Variants in PRORP observed in about 807,000 individuals in gnomAD.
The protein encoded by PRORP is protein only RNase P catalytic subunit.
Under a neutral mutation model 59.4 loss-of-function variants are expected in PRORP, and 51 were observed. The ratio of observed to expected loss-of-function variants is 0.86; its 90% CI spans 0.69 to 1.08. The LOEUF (loss-of-function observed/expected upper bound fraction) is 1.08. Among genes scored for constraint, PRORP ranks in the 50% least tolerant of loss-of-function variants. The pLI is 0.00. For synonymous variants in PRORP, 231 were observed against 245.6 expected (o/e 0.94, Z 0.55); for missense variants, 646 against 690.3 (o/e 0.94, Z 0.72).
intron 4 of PRORP, among the ~76,000 whole-genome samples, chr14:35,142,601 G>C (rs1029762990): frequency 7.6e-5 from 11 of 144,118 alleles, no homozygotes; most frequent in African/African-American, 2.5e-4. Flanking sequence ...TAGCACTTTG[G>C]GAGGCCGAGG....
intron 2 of PRORP, among the ~76,000 whole-genome samples, chr14:35,124,854 T>C (rs1215193854): frequency 6.6e-6 from 1 of 151,222 alleles, no homozygotes; most frequent in African/African-American, 2.4e-5. Context: ...CTTATATTTA[T>C]TCTGTCTACT....
chr14:35,198,955 T>C (rs2049074677), intron 5 of PRORP, among the ~76,000 whole-genome samples: 1 of 152,216 alleles, frequency 6.6e-6, no homozygotes, highest in Admixed American at 6.5e-5. Flanking sequence ...TCACCTGATG[T>C]CAGGAGTTTG....
chr14:35,189,768 T>C (rs528586314), intron 5 of PRORP, among the ~76,000 whole-genome samples: 1 of 152,306 alleles, frequency 6.6e-6, no homozygotes, highest in African/African-American at 2.4e-5. Flanking sequence ...ATTGTCAGAA[T>C]AGAAAATAGT....
intron 4 of PRORP, among the ~76,000 whole-genome samples, chr14:35,155,610 A>G (rs2138919122): frequency 1.3e-5 from 2 of 151,050 alleles, no homozygotes; most frequent in East Asian, 3.9e-4. Context: ...TGCTTTCAGG[A>G]TAGAAGTTAT....
intron 2 of PRORP, among the ~76,000 whole-genome samples, chr14:35,125,661 G>A (rs985657825): frequency 6.6e-6 from 1 of 152,168 alleles, no homozygotes; most frequent in Non-Finnish European, 1.5e-5. Flanking sequence ...TGAAGATCAA[G>A]GGAGGAGGAG....
intron 3 of PRORP, among the ~76,000 whole-genome samples, chr14:35,127,067 A>G (rs767762473): frequency 1.3e-5 from 2 of 152,194 alleles, no homozygotes; most frequent in Non-Finnish European, 2.9e-5. Context: ...ATTCACCAAT[A>G]TGATATTCCA....
At chr14:35,250,040 G>A (rs1307628408) in intron 5 of PRORP, among the ~76,000 whole-genome samples, 1 of 152,022 alleles carries the variant, frequency 6.6e-6, no homozygotes, top group Admixed American at 6.6e-5. Context: ...TTGAGGCCAG[G>A]AGTTCGAGAC....
chr14:35,196,588 A>G (rs1387055710), intron 5 of PRORP, among the ~76,000 whole-genome samples: 1 of 152,212 alleles, frequency 6.6e-6, no homozygotes, highest in Non-Finnish European at 1.5e-5. Context: ...CAAGGGTGAT[A>G]TAAGTGACTT....
At chr14:35,226,799 A>G (rs1056622304) in intron 5 of PRORP, among the ~76,000 whole-genome samples, 6 of 152,204 alleles carry the variant, frequency 3.9e-5, no homozygotes, top group South Asian at 2.1e-4. Flanking sequence ...CAGTGGTGCA[A>G]TCATGGCTCA....
At chr14:35,215,339 G>A (rs956095479) in intron 5 of PRORP, among the ~76,000 whole-genome samples, 2 of 152,030 alleles carry the variant, frequency 1.3e-5, no homozygotes, top group Admixed American at 1.3e-4. Flanking sequence ...TTAATTTTGT[G>A]TCTTCAGACT....
intron 5 of PRORP, among the ~76,000 whole-genome samples, chr14:35,207,781 T>C (rs1172731745): frequency 6.6e-6 from 1 of 152,218 alleles, no homozygotes; most frequent in Non-Finnish European, 1.5e-5. Flanking sequence ...ATTTCTCTTT[T>C]GATGAGTTTC....
At chr14:35,227,657 C>T (rs1026812472) in intron 5 of PRORP, among the ~76,000 whole-genome samples, 1 of 152,096 alleles carries the variant, frequency 6.6e-6, no homozygotes, top group Non-Finnish European at 1.5e-5. Context: ...TTACTTCTCC[C>T]AGGGACTCTC....
intron 5 of PRORP, among the ~76,000 whole-genome samples, chr14:35,193,467 T>G (rs957605350): frequency 5.3e-5 from 8 of 152,218 alleles, no homozygotes; most frequent in Non-Finnish European, 1.0e-4. Context: ...AAAGGTCATT[T>G]GGTAAAGTGT....
intron 5 of PRORP, among the ~76,000 whole-genome samples, chr14:35,205,378 T>C (rs540808005): frequency 6.6e-6 from 1 of 152,250 alleles, no homozygotes; most frequent in East Asian, 1.9e-4. Context: ...TTAGTAGAGA[T>C]GAGGTTTCAC....
At chr14:35,263,693 A>AAAT (rs1193998764) in intron 5 of PRORP, among the ~76,000 whole-genome samples, 2 of 152,062 alleles carry the variant, frequency 1.3e-5, no homozygotes, top group East Asian at 3.8e-4. Flanking sequence ...GTCTCAAAAA[A>AAAT]AATAATAATA....
chr14:35,266,819 T>G lies in PRORP; in HGVS notation c.1368T>G (p.Ser456Arg). The change falls in exon 6 of 8, where the codon AGT becomes AGG. Residue 456 changes from serine to arginine, a missense_variant. By Grantham distance (110) the Ser-to-Arg change is moderately radical. Transcript: ENST00000534898. ...TGCTAAGACGGAGTTCCCAGTGGAG[T>G]CGGGATGAGATGGAAGAGGTGCAAA... Reference protein sequence around the residue: ...KHMLRRSSQWSRDEMEEVQKQ... With the variant: ...KHMLRRSSQWRRDEMEEVQKQ... 1 of 1,612,988 alleles carries G rather than the reference T, an allele frequency of 6.2e-7. No homozygotes were observed.
rs558643422 is a variant in PRORP, at chr14:35,240,165, A to G, written c.1276-26562A>G. 2.4e-4 allele frequency among the ~76,000 whole-genome samples: 37 copies of G among 152,186 alleles called. 1 individual carries two copies. The South Asian group carries it at 5.8e-3, about 24-fold the overall frequency. On this transcript the variant is annotated intron_variant, in intron 5 of 7. Coordinates refer to ENST00000534898, the MANE Select transcript of PRORP (RefSeq NM_014672.4). The stretch of plus-strand genomic sequence containing the variant: ...TGATTGGAATTAGAGTTGGTGGTTC[A>G]TCAATCATTTCACTACCACCAAAGT...
intron 5 of PRORP, among the ~76,000 whole-genome samples, chr14:35,181,814 A>G (rs1423910920): frequency 2.0e-5 from 3 of 151,548 alleles, no homozygotes; most frequent in African/African-American, 2.4e-5. Flanking sequence ...AATGATAAAA[A>G]GAGTAGTAAA....
At chr14:35,135,105 C>G (rs908822939) in intron 4 of PRORP, among the ~76,000 whole-genome samples, 1 of 152,224 alleles carries the variant, frequency 6.6e-6, no homozygotes. Flanking sequence ...TTGCTGCACT[C>G]TCCCTCTCCC....
Sources: allele counts gnomAD v4.1 joint callset (sites outside exome capture counted in the v4.1 genomes callset), GRCh38; gene constraint gnomAD v4.1.1; transcripts MANE v1.5; gene names NCBI Gene and HGNC (gene_info 2026-07-23, HGNC 2026-07-21).